ERMARD: variants seen among roughly 807,000 people sequenced by gnomAD.
ERMARD encodes the protein endoplasmic reticulum membrane-associated RNA degradation protein.
A neutral mutation model predicts 83.9 loss-of-function variants in ERMARD; 71 were observed. The ratio of observed to expected loss-of-function variants is 0.85; its 90% CI spans 0.70 to 1.03. ERMARD has a LOEUF of 1.03. ERMARD is among the 50% of genes least tolerant of loss of function. The pLI, the probability that ERMARD is intolerant of heterozygous loss-of-function variation, is 0.00. For synonymous variants in ERMARD, 284 were observed against 298.6 expected (o/e 0.95, Z 0.50); for missense variants, 838 against 810.9 (o/e 1.03, Z -0.41).
At chr6:169,769,413 C>T in intron 11 of ERMARD, 127 bp from the exon 12 acceptor site, 1 of 830,100 alleles carries the variant, frequency 1.2e-6, no homozygotes, top group Non-Finnish European at 1.8e-6. Context: ...GAGCTCTCCC[C>T]AGCAGAGTCC....
chr6:169,760,502 C>T (rs1490044926), intron 7 of ERMARD, 140 bp from the exon 8 acceptor site: 1 of 630,118 alleles, frequency 1.6e-6, no homozygotes, highest in Non-Finnish European at 2.8e-6. Flanking sequence ...CAATCCTACT[C>T]TCTAACAAGT....
At chr6:169,763,752 A>G (rs1050191102) in intron 9 of ERMARD, among the ~76,000 whole-genome samples, 2 of 152,238 alleles carry the variant, frequency 1.3e-5, no homozygotes, top group African/African-American at 4.8e-5. Context: ...CTCTGGGGGA[A>G]CAACAATTAG....
chr6:169,777,991 G>T (rs1793786471), intron 16 of ERMARD, among the ~76,000 whole-genome samples: 1 of 152,198 alleles, frequency 6.6e-6, no homozygotes, highest in South Asian at 2.1e-4. Flanking sequence ...GCTGCTCTGG[G>T]TACAAGGCAG....
upstream of ERMARD, chr6:169,751,528 C>A (rs1047405047): frequency 5.0e-6 from 8 of 1,610,422 alleles, no homozygotes; most frequent in Non-Finnish European, 5.9e-6. Context: ...TAGCCAGTCC[C>A]GCGAGGGCGG....
chr6:169,765,913 G>GTCCCCAAAAGCCTTT (rs1562333200), intron 9 of ERMARD, among the ~76,000 whole-genome samples: 92 of 102,982 alleles, frequency 8.9e-4, no homozygotes, highest in Middle Eastern at 9.9e-3. Context: ...TCTCACTGAA[G>GTCCCCAAAAGCCTTT]TGATTTCGTC....
chr6:169,776,070 G>A lies in ERMARD; in HGVS notation c.1520+5G>A, dbSNP rs975965361. ...GGATCGTCTTCCTACTGAGACGTAA[G>A]TTCCAGGACATCCTGACAACTGTTG... On this transcript the variant is annotated splice_donor_5th_base_variant and intron_variant, in intron 15 of 17. Transcript: ENST00000366773. 1 of 1,612,062 alleles carries A rather than the reference G, an allele frequency of 6.2e-7. No homozygotes were observed. The highest frequency in any genetic ancestry group is 8.5e-7 in the Non-Finnish European group (1 of 1,179,414).
intron 4 of ERMARD, 30 bp from the exon 5 acceptor site, chr6:169,756,689 A>G: frequency 6.3e-7 from 1 of 1,578,716 alleles, no homozygotes; most frequent in Non-Finnish European, 8.7e-7. Context: ...TCATAATACA[A>G]CTGTTACACA....
intron 6 of ERMARD, 93 bp downstream of exon 6, chr6:169,759,158 G>A: frequency 2.6e-6 from 3 of 1,136,778 alleles, no homozygotes; most frequent in Non-Finnish European, 3.9e-6. Context: ...TAGATTTTGT[G>A]AAAGATAAGT....
At chr6:169,774,305 T>A (rs1324163054) in intron 13 of ERMARD, among the ~76,000 whole-genome samples, 1 of 152,128 alleles carries the variant, frequency 6.6e-6, no homozygotes, top group East Asian at 1.9e-4. Flanking sequence ...CTTCTGGAGG[T>A]GTGGCTCGGA....
Position 169,756,753 on chromosome 6 carries a change from T to C in ERMARD, c.452T>C (p.Leu151Pro), listed in dbSNP as rs1214386276. The change falls in exon 5 of 18, where the codon CTT becomes CCT. Residue 151 changes from leucine to proline, a missense_variant. By Grantham distance (98) the Leu-to-Pro change is moderately conservative. Coordinates refer to ENST00000366773, the MANE Select transcript of ERMARD (RefSeq NM_018341.3). ...FLLIGKECPF[L>P]LRDLLSSEEL... ...CTGATTGGGAAGGAATGCCCCTTTC[T>C]TTTAAGAGATCTGCTTTCATCTGAG... 8 of 1,614,116 alleles carry C rather than the reference T, an allele frequency of 5.0e-6. No homozygotes were observed. Among genetic ancestry groups the C allele is most frequent in the South Asian group, 4.4e-5 (4 of 91,080 alleles).
At position 169,760,712 on chromosome 6, in the gene ERMARD, G is replaced by T. The variant is rs1376710849; in HGVS notation, c.813G>T (p.Met271Ile). 1.9e-6 allele frequency: 3 copies of T among 1,613,972 alleles called. No individual in the cohort carries two copies. In the East Asian group the frequency reaches 6.7e-5, roughly 36 times the overall value. The change falls in exon 8 of 18, where the codon ATG (methionine) becomes ATT (isoleucine). Residue 271 changes from methionine to isoleucine, a missense_variant. By Grantham distance (10) the Met-to-Ile change is conservative. Transcript: ENST00000366773. ...AATCTGCTTTTATATTAAAAATCATGTTACCATATTGGGAAGTTGCACTGG... is the reference window on the plus strand; with the variant it reads ...AATCTGCTTTTATATTAAAAATCATTTTACCATATTGGGAAGTTGCACTGG... ...MMKSAFILKI[M>I]LPYWEVALVK...
chr6:169,751,737 T>A (rs1790127542), intron 1 of ERMARD, 74 bp downstream of exon 1: 1 of 1,469,066 alleles, frequency 6.8e-7, no homozygotes, highest in Admixed American at 2.7e-5. Flanking sequence ...GGTGCTCGGC[T>A]ACGCGGAGTG....
chr6:169,781,077 A>G (rs554177270), intron 17 of ERMARD, among the ~76,000 whole-genome samples: 3 of 152,278 alleles, frequency 2.0e-5, no homozygotes, highest in African/African-American at 7.2e-5. Context: ...TGGGCTGGAG[A>G]AGAATGCTTG....
chr6:169,773,156 G>A (rs1177143591), intron 12 of ERMARD, 163 bp from the exon 13 acceptor site: 8 of 553,622 alleles, frequency 1.4e-5, no homozygotes, highest in Non-Finnish European at 2.5e-5. Flanking sequence ...TCATTTGCCT[G>A]CCATGTCAAG....
intron 8 of ERMARD, 83 bp downstream of exon 8, chr6:169,760,839 G>A: frequency 2.1e-6 from 2 of 943,572 alleles, no homozygotes; most frequent in Non-Finnish European, 3.3e-6. Context: ...GATGCTTTTT[G>A]CTGTTGGAGT....
intron 11 of ERMARD, among the ~76,000 whole-genome samples, chr6:169,768,937 A>G (rs1792554204): frequency 6.6e-6 from 1 of 152,182 alleles, no homozygotes; most frequent in African/African-American, 2.4e-5. Context: ...CAGTCAGGCG[A>G]CCTAGAATCA....
chr6:169,775,101 C>T (rs1793425705), intron 13 of ERMARD, among the ~76,000 whole-genome samples, 169 bp from the exon 14 acceptor site: 1 of 152,194 alleles, frequency 6.6e-6, no homozygotes, highest in African/African-American at 2.4e-5. Context: ...CCGCAGCCTT[C>T]CCCCATCTGA....
At chr6:169,769,758 G>A (rs1180227671) in intron 12 of ERMARD, 45 bp downstream of exon 12, 15 of 1,480,894 alleles carry the variant, frequency 1.0e-5, no homozygotes, top group Non-Finnish European at 1.4e-5. Flanking sequence ...AACTCATTCA[G>A]CTATGAAAAT....
chr6:169,760,089 G>T, intron 7 of ERMARD, 115 bp downstream of exon 7: 1 of 1,519,918 alleles, frequency 6.6e-7, no homozygotes, highest in Middle Eastern at 1.8e-4. Flanking sequence ...TTCTTCAGTA[G>T]TCGGATGGCT....
Sources: allele counts gnomAD v4.1 joint callset (sites outside exome capture counted in the v4.1 genomes callset), GRCh38; gene constraint gnomAD v4.1.1; transcripts MANE v1.5; gene names NCBI Gene and HGNC (gene_info 2026-07-23, HGNC 2026-07-21).